The following PRDM15 variants were observed in gnomAD, a reference collection of about 807,000 sequenced individuals.
The protein encoded by PRDM15 is PR/SET domain 15.
PRDM15 carries 64 observed loss-of-function variants against 128.6 expected under a neutral mutation model. The observed-to-expected ratio is 0.50, with a 90% CI of 0.41 to 0.61. The LOEUF (loss-of-function observed/expected upper bound fraction) is 0.61, where lower values mean the gene tolerates loss of function less well. Among genes scored for constraint, PRDM15 ranks in the 20% least tolerant of loss-of-function variants. PRDM15 has a pLI of 0.00. For synonymous variants in PRDM15, 615 were observed against 621.8 expected, an observed-to-expected ratio of 0.99 and a Z score of 0.16; for missense variants, 1,242 against 1,569.1, an observed-to-expected ratio of 0.79 and a Z score of 3.52.
intron 18 of PRDM15, among the ~76,000 whole-genome samples, chr21:41,818,155 G>A (rs998733055): frequency 6.6e-6 from 1 of 152,222 alleles, no homozygotes; most frequent in African/African-American, 2.4e-5. Context: ...CTTCTTGGGG[G>A]CATTGGGGAG....
Position 41,821,107 on chromosome 21 carries a change from C to T in PRDM15, c.2020G>A (p.Val674Ile), listed in dbSNP as rs1484606321. ...ALKATYHAHM[V>I]IHRENLPDPN... ...TCCGGCAGGTTTTCACGGTGGATGA[C>T]CATGTGGGCGTGGTAGGTGGCCTTC... Residue 674 changes from valine to isoleucine, a missense_variant, in exon 16 of 24, where the codon GTC becomes ATC. Val to Ile is a conservative substitution (Grantham distance 29). Coordinates refer to ENST00000398548, the MANE Select transcript of PRDM15 (RefSeq NM_001040424.3). This position sits in a 1 kb window ranked among gnomAD's most constrained non-coding sequence, Gnocchi z 5.4. 5 of 1,614,110 alleles carry T rather than the reference C, an allele frequency of 3.1e-6. No individual in the cohort carries two copies. In the East Asian group the frequency reaches 8.9e-5, roughly 29 times the overall value.
intron 18 of PRDM15, among the ~76,000 whole-genome samples, chr21:41,816,696 C>T (rs996296450): frequency 1.3e-5 from 2 of 152,142 alleles, no homozygotes; most frequent in African/African-American, 2.4e-5. Context: ...TTCTAAAGGC[C>T]GGGCCAGAAG....
Position 41,798,439 on chromosome 21 carries a change from C to T in PRDM15, c.*2801G>A, listed in dbSNP as rs1203651948. 1 of 152,264 alleles carries T rather than the reference C, an allele frequency of 6.6e-6. No homozygotes were observed. The highest frequency in any genetic ancestry group is 6.5e-5 in the Admixed American group (1 of 15,286). The allele number at this position is 152,264 out of a possible 1,614,324, so 9.4% of individuals were successfully genotyped here. A position where few individuals can be genotyped will look rare whatever the true frequency, so the allele number is the denominator to read the frequency against. Reference sequence around the variant, plus strand: ...AGGAGGTCTGCCTTCCACGCCGGACCCTCCAGCGCAGTCCCATGCCGGACA... The same window carrying T: ...AGGAGGTCTGCCTTCCACGCCGGACTCTCCAGCGCAGTCCCATGCCGGACA... On this transcript the variant is annotated 3_prime_UTR_variant, in exon 24 of 24. Transcript: ENST00000398548.
At chr21:41,849,182 C>T (rs986763250) in intron 5 of PRDM15, among the ~76,000 whole-genome samples, 1 of 152,250 alleles carries the variant, frequency 6.6e-6, no homozygotes, top group African/African-American at 2.4e-5. Flanking sequence ...GTGGGCGCGG[C>T]TGACTGCAGG....
rs750122550 is a variant in PRDM15 at position 41,838,030 on chromosome 21, G to A, written c.905C>T (p.Pro302Leu). The change falls in exon 8 of 24, where the codon CCG becomes CTG. Residue 302 changes from proline (P) to leucine (L), a missense_variant. Transcript: ENST00000398548. The part of the protein sequence containing the change: ...QVAEIITEVP[P>L]DEPVSATPDE... Reference sequence around the variant, plus strand: ...TGGCGTTGCACTCACAGGCTCATCCGGAGGGACCTCGGTAATGATCTCTGC... The same window carrying A: ...TGGCGTTGCACTCACAGGCTCATCCAGAGGGACCTCGGTAATGATCTCTGC... 1.7e-5 allele frequency: 28 copies of A among 1,614,034 alleles called. No individual in the cohort carries two copies. In the East Asian group the frequency reaches 4.2e-4, roughly 24 times the overall value.
At chr21:41,878,933 G>A in intron 1 of PRDM15, 1 of 953,436 alleles carries the variant, frequency 1.0e-6, no homozygotes, top group Non-Finnish European at 1.2e-6. Flanking sequence ...GCGGGCGGGC[G>A]GGGGGCGCGA....
intron 18 of PRDM15, among the ~76,000 whole-genome samples, chr21:41,816,973 C>A (rs1182849391): frequency 6.6e-6 from 1 of 151,402 alleles, no homozygotes; most frequent in Non-Finnish European, 1.5e-5. Context: ...CTAAAATGAA[C>A]ATATTCCAAA....
At chr21:41,823,245 GCTGA>G in intron 14 of PRDM15, 69 bp downstream of exon 14, 9 of 1,564,038 alleles carry the variant, frequency 5.8e-6, no homozygotes, top group Non-Finnish European at 7.8e-6. Context: ...CTCTGCTATG[GCTGA>G]CTGTGACAGA....
At chr21:41,839,235 G>A (rs568667758) in intron 7 of PRDM15, among the ~76,000 whole-genome samples, 3 of 152,184 alleles carry the variant, frequency 2.0e-5, no homozygotes, top group South Asian at 2.1e-4. Flanking sequence ...GGCGGGTCTC[G>A]AGGCTGTAAG....
In PRDM15 at chr21:41,859,450, TG is replaced by T; in HGVS notation, c.131+141del. 1 of 741,278 alleles carries T rather than the reference TG, an allele frequency of 1.3e-6. No homozygotes were observed. 45.9% of individuals were successfully genotyped at this position (741,278 alleles called of 1,614,324 possible). On this transcript the variant is annotated intron_variant, in intron 3 of 23. Coordinates refer to ENST00000398548, the MANE Select transcript of PRDM15 (RefSeq NM_001040424.3). The surrounding 1 kb of genome is among the most constrained non-coding windows in gnomAD (Gnocchi z 5.3). Reference sequence around the variant, plus strand: ...GGCAGCAACGCTGCTCAGTTCACAGTGGGAGCGGAATCGCTGGCTCTCACTC... The same window carrying T: ...GGCAGCAACGCTGCTCAGTTCACAGTGGAGCGGAATCGCTGGCTCTCACTC...
chr21:41,825,444 C>T (rs2062434615), intron 13 of PRDM15, among the ~76,000 whole-genome samples: 1 of 152,266 alleles, frequency 6.6e-6, no homozygotes, highest in South Asian at 2.1e-4. Flanking sequence ...CCATGGATGA[C>T]ATCACCCTTT....
intron 11 of PRDM15, among the ~76,000 whole-genome samples, chr21:41,833,659 C>T (rs1008932645): frequency 1.3e-5 from 2 of 152,174 alleles, no homozygotes; most frequent in African/African-American, 2.4e-5. Flanking sequence ...GAAACTAGAA[C>T]ATCTCAGGGG....
intron 23 of PRDM15, among the ~76,000 whole-genome samples, chr21:41,802,207 G>A (rs1568868648): frequency 6.6e-6 from 1 of 152,332 alleles, no homozygotes; most frequent in East Asian, 1.9e-4. Flanking sequence ...AGAGAGAGAA[G>A]TGCAGTATTA....
intron 1 of PRDM15, among the ~76,000 whole-genome samples, chr21:41,869,192 G>A (rs553925058): frequency 4.6e-5 from 7 of 152,260 alleles, no homozygotes; most frequent in African/African-American, 1.2e-4. Context: ...TCAAATGGAT[G>A]GACCTTCCCT....
intron 12 of PRDM15, among the ~76,000 whole-genome samples, chr21:41,827,159 G>T (rs74487122): frequency 6.6e-6 from 1 of 152,126 alleles, no homozygotes; most frequent in Non-Finnish European, 1.5e-5. Context: ...GGTTTGATTC[G>T]AGAGGCCCTA....
At chr21:41,877,683 T>G (rs2146080777) in intron 1 of PRDM15, 1 of 152,230 alleles carries the variant, frequency 6.6e-6, no homozygotes, top group Admixed American at 6.5e-5. Context: ...GTGAAAAGAG[T>G]TCTTTGTCAA....
chr21:41,824,328 G>A (rs978027758), intron 13 of PRDM15, among the ~76,000 whole-genome samples: 2 of 152,208 alleles, frequency 1.3e-5, no homozygotes, highest in Non-Finnish European at 2.9e-5. Context: ...GGGGCAATGC[G>A]ACAGGGTGAA....
At chr21:41,856,134 C>T (rs1396968935) in intron 4 of PRDM15, among the ~76,000 whole-genome samples, 4 of 4,470 alleles carry the variant, frequency 8.9e-4, no homozygotes, top group African/African-American at 1.4e-3. Flanking sequence ...TCCCCTCCCT[C>T]CCTTCCTTTC....
chr21:41,829,217 C>G (rs1047918275), intron 11 of PRDM15, among the ~76,000 whole-genome samples: 2 of 147,988 alleles, frequency 1.4e-5, no homozygotes, highest in Non-Finnish European at 3.0e-5. Context: ...ACATGTCACA[C>G]ACACCATCAC....
Sources: allele counts gnomAD v4.1 joint callset (sites outside exome capture counted in the v4.1 genomes callset), GRCh38; gene constraint gnomAD v4.1.1; non-coding constraint Gnocchi (gnomAD v3.1); transcripts MANE v1.5; gene names NCBI Gene and HGNC (gene_info 2026-07-23, HGNC 2026-07-21).